CFAP221: variants seen among roughly 807,000 people sequenced by gnomAD.
CFAP221 encodes cilia and flagella associated protein 221.
CFAP221 carries 97 observed loss-of-function variants against 113.1 expected under a neutral mutation model. That is an observed-to-expected ratio of 0.86 (90% CI 0.73 to 1.02). The LOEUF (loss-of-function observed/expected upper bound fraction) is 1.02, where lower values mean the gene tolerates loss of function less well. CFAP221 is among the 50% of genes least tolerant of loss of function. CFAP221 has a pLI of 0.00. For synonymous variants in CFAP221, 331 were observed against 354.4 expected (o/e 0.93, Z 0.74); for missense variants, 1,025 against 1,013.4 (o/e 1.01, Z -0.16).
chr2:119,657,996 A>G (rs547766526), downstream of CFAP221, among the ~76,000 whole-genome samples: 17 of 152,334 alleles, frequency 1.1e-4, no homozygotes, highest in African/African-American at 4.1e-4. Flanking sequence ...CCACTGGGAC[A>G]TTAATATAAT....
chr2:119,601,635 A>G (rs1172401787), intron 8 of CFAP221: 1 of 345,172 alleles, frequency 2.9e-6, no homozygotes, highest in African/African-American at 2.1e-5. Flanking sequence ...ACTGATCACT[A>G]CTGGTGCACT....
chr2:119,632,269 T>C (rs2860876), intron 19 of CFAP221, among the ~76,000 whole-genome samples: 148,559 of 152,318 alleles, frequency 0.98, 72,573 homozygotes, highest in Non-Finnish European at 1. Flanking sequence ...AACAAAATTT[T>C]GATAAATCAA....
At chr2:119,606,971 T>C (rs1684814541) in intron 11 of CFAP221, among the ~76,000 whole-genome samples, 1 of 152,134 alleles carries the variant, frequency 6.6e-6, no homozygotes. Flanking sequence ...ATCAGGAAGC[T>C]TCACCCCAAA....
At chr2:119,637,593 C>G (rs1338544131) in intron 19 of CFAP221, among the ~76,000 whole-genome samples, 3 of 152,002 alleles carry the variant, frequency 2.0e-5, no homozygotes, top group Non-Finnish European at 4.4e-5. Context: ...TTGTTTGGGA[C>G]AAGAATAGGG....
chr2:119,580,353 GC>G (rs913540065), intron 6 of CFAP221: 5 of 152,106 alleles, frequency 3.3e-5, no homozygotes, highest in Admixed American at 2.0e-4. Flanking sequence ...GAAACCTAGG[GC>G]CCCTGAACAT....
intron 6 of CFAP221, 43 bp downstream of exon 6, chr2:119,562,157 A>G: frequency 7.6e-7 from 1 of 1,312,188 alleles, no homozygotes; most frequent in African/African-American, 1.5e-5. Context: ...GATGTGAAAA[A>G]CTAAGAGATA....
At chr2:119,644,445 T>C (rs949040902) in intron 21 of CFAP221, among the ~76,000 whole-genome samples, 2 of 152,206 alleles carry the variant, frequency 1.3e-5, no homozygotes, top group Admixed American at 6.5e-5. Context: ...TGACTATACA[T>C]GTTCTAAAGT....
At chr2:119,642,533 CTTTTTT>C (rs56224952) in intron 21 of CFAP221, among the ~76,000 whole-genome samples, 2 of 54,660 alleles carry the variant, frequency 3.7e-5, no homozygotes, top group Non-Finnish European at 6.8e-5. Context: ...GCTCTCAGGC[CTTTTTT>C]TTTTTTTTTT....
At chr2:119,602,211 C>A (rs1684410116) in intron 8 of CFAP221, among the ~76,000 whole-genome samples, 1 of 152,102 alleles carries the variant, frequency 6.6e-6, no homozygotes, top group African/African-American at 2.4e-5. Context: ...GAAACCCTGT[C>A]TCTACTAAAA....
chr2:119,559,896 C>T, intron 4 of CFAP221, 32 bp from the exon 5 acceptor site: 1 of 1,515,788 alleles, frequency 6.6e-7, no homozygotes, highest in South Asian at 1.2e-5. Flanking sequence ...CAGTCCGGGG[C>T]TTGTCCCAAC....
At chr2:119,651,456 C>T (rs1193746161) in intron 22 of CFAP221, among the ~76,000 whole-genome samples, 2 of 150,842 alleles carry the variant, frequency 1.3e-5, no homozygotes, top group Non-Finnish European at 2.9e-5. Flanking sequence ...AGTTTACTGA[C>T]CCCTGGCTCT....
intron 21 of CFAP221, among the ~76,000 whole-genome samples, chr2:119,643,726 G>A (rs1687634116): frequency 6.6e-6 from 1 of 151,952 alleles, no homozygotes; most frequent in Non-Finnish European, 1.5e-5. Context: ...TGTATTTTTA[G>A]TAGAGACAGG....
At chr2:119,549,478 C>T (rs1016222212) in intron 3 of CFAP221, among the ~76,000 whole-genome samples, 1 of 152,270 alleles carries the variant, frequency 6.6e-6, no homozygotes, top group Non-Finnish European at 1.5e-5. Flanking sequence ...TAATTTAATC[C>T]TTATGCTAGC....
At chr2:119,550,687 T>TA (rs1444233211) in intron 3 of CFAP221, among the ~76,000 whole-genome samples, 1 of 152,220 alleles carries the variant, frequency 6.6e-6, no homozygotes, top group Non-Finnish European at 1.5e-5. Context: ...AAGGCTAAGA[T>TA]AAAATTTTAT....
intron 14 of CFAP221, among the ~76,000 whole-genome samples, chr2:119,617,645 A>G (rs1037755219): frequency 2.0e-5 from 3 of 152,130 alleles, no homozygotes; most frequent in Non-Finnish European, 4.4e-5. Flanking sequence ...TTCTTTGCCT[A>G]ATCTCCTCAA....
intron 14 of CFAP221, among the ~76,000 whole-genome samples, chr2:119,618,015 C>T (rs1325574009): frequency 6.6e-6 from 1 of 152,206 alleles, no homozygotes; most frequent in Non-Finnish European, 1.5e-5. Context: ...CAGAGGCCTT[C>T]CCTCATTATC....
chr2:119,644,393 A>G (rs937870141), intron 21 of CFAP221, among the ~76,000 whole-genome samples: 1 of 152,178 alleles, frequency 6.6e-6, no homozygotes, highest in African/African-American at 2.4e-5. Flanking sequence ...AGCGGCCCAG[A>G]CCCTGAACTT....
rs1310581641 is a variant in CFAP221, at chr2:119,559,987, G to C, written c.387G>C (p.Glu129Asp). Reference protein sequence around the residue: ...LTVTVTFSPDEWRYYYDCIRV... With the variant: ...LTVTVTFSPDDWRYYYDCIRV... ...TCACCGTTACATTTTCTCCAGATGA[G>C]TGGCGATACTATTATGACTGCATCC... Residue 129 changes from glutamate to aspartate, a missense_variant, in exon 5 of 24, where the codon GAG becomes GAC. Glu to Asp is a conservative substitution (Grantham distance 45). Transcript: ENST00000413369. The C allele has an allele frequency of 1.3e-6, 2 of 1,534,802 alleles. No individual in the cohort carries two copies. The highest frequency in any genetic ancestry group is 2.8e-5 in the African/African-American group (2 of 72,652).
At chr2:119,598,322 G>C (rs1160642841) in intron 7 of CFAP221, among the ~76,000 whole-genome samples, 1 of 152,026 alleles carries the variant, frequency 6.6e-6, no homozygotes, top group Admixed American at 6.5e-5. Context: ...TTATATAATT[G>C]TAGTCCAAGT....
Sources: gnomAD v4.1 joint callset for allele counts (sites outside exome capture counted in the v4.1 genomes callset) on GRCh38, gnomAD v4.1.1 for gene constraint, MANE v1.5 for transcripts, NCBI Gene and HGNC (gene_info 2026-07-23, HGNC 2026-07-21) for gene names.